SYNDIG1L: variants seen among roughly 807,000 people sequenced by gnomAD.
SYNDIG1L encodes synapse differentiation inducing 1 like, also known as synapse differentiation-inducing gene protein 1-like.
In SYNDIG1L, 13 loss-of-function variants were observed where a neutral mutation model predicts 20.1. That is an observed-to-expected ratio of 0.65 (90% CI 0.42 to 1.03). SYNDIG1L has a LOEUF of 1.03. Ranked by LOEUF, SYNDIG1L falls within the 50% of genes least tolerant of loss-of-function variation. SYNDIG1L has a pLI of 0.00. For synonymous variants in SYNDIG1L, 128 were observed against 129.3 expected, an observed-to-expected ratio of 0.99 and a Z score of 0.07; for missense variants, 294 against 305.1, an observed-to-expected ratio of 0.96 and a Z score of 0.27.
chr14:74,473,345 A>T, the SYNDIG1L span, among the ~76,000 whole-genome samples: 1 of 152,174 alleles, frequency 6.6e-6, no homozygotes, highest in Admixed American at 6.5e-5. Context: ...AGATCATGCC[A>T]CTGCACTCTA....
chr14:74,420,515 T>G (rs1258166482), intron 1 of SYNDIG1L, among the ~76,000 whole-genome samples: 2 of 151,192 alleles, frequency 1.3e-5, no homozygotes, highest in African/African-American at 4.9e-5. Context: ...CAGGAATCTG[T>G]GGGTCACTAG....
chr14:74,409,346 A>T lies in SYNDIG1L; in HGVS notation c.399T>A (p.Asp133Glu). ...CACTCACCTCCTCTTCCTCCTGGTC[A>T]TCCTCCTGGTCCCGCAGCTCCTCTT... is the stretch of plus-strand genomic sequence containing the variant. ...GVQEELRDQE[D>E]DQEEEESDAT... Residue 133 changes from aspartate (D) to glutamate (E), a missense_variant, in exon 2 of 4, where the codon GAT (aspartate) becomes GAA (glutamate). By Grantham distance (45) the Asp-to-Glu change is conservative. Coordinates refer to ENST00000331628, the MANE Select transcript of SYNDIG1L (RefSeq NM_001105579.2). 6.4e-7 allele frequency: 1 copy of T among 1,560,252 alleles called. No homozygotes were observed. The highest frequency in any genetic ancestry group is 8.7e-7 in the Non-Finnish European group (1 of 1,152,694).
At chr14:74,417,437 G>A (rs2031525698) in intron 1 of SYNDIG1L, among the ~76,000 whole-genome samples, 1 of 152,240 alleles carries the variant, frequency 6.6e-6, no homozygotes, top group African/African-American at 2.4e-5. Flanking sequence ...TATGTGACCA[G>A]GAGTTGGCTC....
At chr14:74,477,092 C>A in the SYNDIG1L span, among the ~76,000 whole-genome samples, 4 of 98,254 alleles carry the variant, frequency 4.1e-5, no homozygotes, top group Non-Finnish European at 8.7e-5. Context: ...ACACACACAA[C>A]CCTGTCTCCC....
At chr14:74,454,435 TGA>T in the SYNDIG1L span, among the ~76,000 whole-genome samples, 1 of 152,098 alleles carries the variant, frequency 6.6e-6, no homozygotes, top group Non-Finnish European at 1.5e-5. Flanking sequence ...ATGGATGAAA[TGA>T]GTACTCAGAC....
the SYNDIG1L span, among the ~76,000 whole-genome samples, chr14:74,432,514 G>A: frequency 6.6e-6 from 1 of 152,166 alleles, no homozygotes; most frequent in Non-Finnish European, 1.5e-5. Context: ...AAGGCACACT[G>A]AGCCAGGTTG....
chr14:74,420,969 C>T (rs2086216363), intron 1 of SYNDIG1L, among the ~76,000 whole-genome samples: 1 of 152,024 alleles, frequency 6.6e-6, no homozygotes, highest in Non-Finnish European at 1.5e-5. Flanking sequence ...CAATGCCTTC[C>T]TTCATTCCTA....
the SYNDIG1L span, among the ~76,000 whole-genome samples, chr14:74,454,201 T>A: frequency 1.3e-5 from 2 of 152,146 alleles, no homozygotes; most frequent in African/African-American, 4.8e-5. Flanking sequence ...AGTTGCAAAG[T>A]ATTATTACCT....
At chr14:74,418,866 T>C (rs1191744821) in intron 1 of SYNDIG1L, among the ~76,000 whole-genome samples, 6 of 152,220 alleles carry the variant, frequency 3.9e-5, no homozygotes, top group Non-Finnish European at 5.9e-5. Context: ...AACCAGCCCA[T>C]CTGTCACCAA....
the SYNDIG1L span, among the ~76,000 whole-genome samples, chr14:74,443,675 A>G: frequency 6.6e-6 from 1 of 152,360 alleles, no homozygotes; most frequent in Non-Finnish European, 1.5e-5. Flanking sequence ...AAGTGCTTCC[A>G]TATGACATTA....
At chr14:74,456,544 C>G in the SYNDIG1L span, among the ~76,000 whole-genome samples, 1 of 151,934 alleles carries the variant, frequency 6.6e-6, no homozygotes, top group Non-Finnish European at 1.5e-5. Flanking sequence ...CAAAACAAAA[C>G]AAAAACCCAT....
At chr14:74,461,620 GCTT>G in the SYNDIG1L span, among the ~76,000 whole-genome samples, 733 of 151,706 alleles carry the variant, frequency 4.8e-3, 5 homozygotes, top group African/African-American at 0.017. Flanking sequence ...CTGTCTACTG[GCTT>G]CTTCTCATTA....
chr14:74,469,735 C>T, the SYNDIG1L span, among the ~76,000 whole-genome samples: 3 of 152,136 alleles, frequency 2.0e-5, no homozygotes, highest in Non-Finnish European at 4.4e-5. Flanking sequence ...ACAGTTCTGA[C>T]CTATTTTGTG....
rs2086261034 is a variant in SYNDIG1L, at chr14:74,425,903, G to T, written c.-58+9C>A. 6.6e-6 allele frequency: 1 copy of T among 151,976 alleles called. No individual in the cohort carries two copies. Among genetic ancestry groups the T allele is most frequent in the African/African-American group, 2.4e-5 (1 of 41,386 alleles). 9.4% of individuals were successfully genotyped at this position (151,976 alleles called of 1,614,324 possible). On this transcript the variant is annotated intron_variant, in intron 1 of 3. Coordinates refer to ENST00000331628, the MANE Select transcript of SYNDIG1L (RefSeq NM_001105579.2). ...TGCGCTCCCGCGGCGCCCCCAGACC[G>T]CCCCTTACCTGTCCCGCCGCGGACG...
chr14:74,458,329 C>G, the SYNDIG1L span, among the ~76,000 whole-genome samples: 1 of 151,844 alleles, frequency 6.6e-6, no homozygotes, highest in Non-Finnish European at 1.5e-5. Flanking sequence ...GGTGCGGAGG[C>G]TCACACCTAT....
intron 1 of SYNDIG1L, among the ~76,000 whole-genome samples, chr14:74,420,145 C>T (rs545577800): frequency 6.6e-6 from 1 of 151,884 alleles, no homozygotes; most frequent in African/African-American, 2.4e-5. Context: ...ACCTGCAATC[C>T]CAGCACTTTG....
the SYNDIG1L span, among the ~76,000 whole-genome samples, chr14:74,455,150 T>A: frequency 3.3e-5 from 5 of 152,234 alleles, no homozygotes. Flanking sequence ...CCTGGAGATT[T>A]CAGACTTGCA....
At chr14:74,477,058 A>G in the SYNDIG1L span, among the ~76,000 whole-genome samples, 1 of 45,800 alleles carries the variant, frequency 2.2e-5, no homozygotes, top group Non-Finnish European at 5.6e-5. Context: ...ACACACACAC[A>G]CACACACACA....
At chr14:74,440,925 T>C in the SYNDIG1L span, among the ~76,000 whole-genome samples, 25 of 152,340 alleles carry the variant, frequency 1.6e-4, no homozygotes, top group South Asian at 1.7e-3. Flanking sequence ...CTGTCCCTCA[T>C]GGACCTTGTA....
Sources: gnomAD v4.1 joint callset for allele counts (sites outside exome capture counted in the v4.1 genomes callset) on GRCh38, gnomAD v4.1.1 for gene constraint, MANE v1.5 for transcripts, NCBI Gene and HGNC (gene_info 2026-07-23, HGNC 2026-07-21) for gene names.